Variants in EHBP1 observed in about 807,000 individuals in gnomAD.
The protein encoded by EHBP1 is EH domain-binding protein 1.
In EHBP1, 55 loss-of-function variants were observed where a neutral mutation model predicts 144.0. The observed-to-expected ratio is 0.38, with a 90% CI of 0.31 to 0.48. The LOEUF (loss-of-function observed/expected upper bound fraction) is 0.48, where lower values mean the gene tolerates loss of function less well. EHBP1 is among the 20% of genes least tolerant of loss of function. The probability of loss-of-function intolerance (pLI) is 0.98; values close to 1 mark genes in which losing one functional copy is unlikely to be tolerated. For missense variants in EHBP1, 1,200 were observed against 1,364.2 expected (o/e 0.88, Z 1.90); for synonymous variants, 469 against 472.7 (o/e 0.99, Z 0.10).
At chr2:62,980,204 G>A (rs188387700) in intron 15 of EHBP1, among the ~76,000 whole-genome samples, 1 of 152,248 alleles carries the variant, frequency 6.6e-6, no homozygotes, top group East Asian at 1.9e-4. Context: ...GGTAAGGAGG[G>A]ATAGTTTCAG....
At chr2:62,877,561 A>G (rs2050998428) in intron 10 of EHBP1, among the ~76,000 whole-genome samples, 1 of 152,232 alleles carries the variant, frequency 6.6e-6, no homozygotes, top group African/African-American at 2.4e-5. Context: ...TCATCTGCAC[A>G]TGGTACATAC....
intron 5 of EHBP1, among the ~76,000 whole-genome samples, chr2:62,783,673 G>C (rs1280544699): frequency 1.3e-5 from 2 of 152,252 alleles, no homozygotes; most frequent in Non-Finnish European, 2.9e-5. Context: ...AGGGCACCAA[G>C]TCCCAAGGCT....
chr2:62,962,126 A>G (rs2058032072), intron 14 of EHBP1, among the ~76,000 whole-genome samples: 1 of 152,164 alleles, frequency 6.6e-6, no homozygotes, highest in Non-Finnish European at 1.5e-5. Flanking sequence ...GGAGTTCGAG[A>G]CTAGCCTGGC....
At chr2:62,898,949 T>C (rs1225785973) in intron 10 of EHBP1, among the ~76,000 whole-genome samples, 1 of 152,174 alleles carries the variant, frequency 6.6e-6, no homozygotes, top group African/African-American at 2.4e-5. Context: ...CCATGTAGAA[T>C]ATGCACCTAC....
chr2:62,966,264 A>G (rs2058241920), intron 14 of EHBP1, among the ~76,000 whole-genome samples: 2 of 152,114 alleles, frequency 1.3e-5, no homozygotes, highest in Admixed American at 1.3e-4. Flanking sequence ...ATTTGAGGAA[A>G]GGGAATAGTT....
intron 3 of EHBP1, among the ~76,000 whole-genome samples, chr2:62,757,832 C>T (rs980975141): frequency 6.6e-6 from 1 of 151,956 alleles, no homozygotes; most frequent in Admixed American, 6.5e-5. Context: ...TTAGAATTGA[C>T]ACCCAGATAG....
chr2:62,911,800 TAGTG>T (rs1436514947), intron 10 of EHBP1, among the ~76,000 whole-genome samples: 1 of 152,080 alleles, frequency 6.6e-6, no homozygotes, highest in East Asian at 1.9e-4. Context: ...TGTGGAGTGT[TAGTG>T]AGGATTGGAA....
At chr2:63,022,955 C>T (rs1406068784) in intron 19 of EHBP1, among the ~76,000 whole-genome samples, 9 of 152,210 alleles carry the variant, frequency 5.9e-5, no homozygotes, top group Middle Eastern at 3.4e-3. Context: ...AGGCAGATCA[C>T]CTGAGGTCAG....
At chr2:62,865,120 G>A (rs2049936765) in intron 9 of EHBP1, 149 bp downstream of exon 9, 2 of 876,016 alleles carry the variant, frequency 2.3e-6, no homozygotes, top group Admixed American at 2.7e-5. Flanking sequence ...AGTGTTTATA[G>A]TCTTAAACCT....
At chr2:62,906,062 T>C (rs1221750099) in intron 10 of EHBP1, among the ~76,000 whole-genome samples, 1 of 152,114 alleles carries the variant, frequency 6.6e-6, no homozygotes, top group Non-Finnish European at 1.5e-5. Flanking sequence ...TTTCATTGGA[T>C]TGTTTATAAT....
chr2:62,911,173 A>C (rs1435786407), intron 10 of EHBP1, among the ~76,000 whole-genome samples: 1 of 152,204 alleles, frequency 6.6e-6, no homozygotes, highest in Non-Finnish European at 1.5e-5. Context: ...CCAAGCCCAC[A>C]GATGATACCT....
intron 5 of EHBP1, among the ~76,000 whole-genome samples, chr2:62,778,309 T>TG (rs2042183589): frequency 6.6e-6 from 1 of 151,992 alleles, no homozygotes; most frequent in Non-Finnish European, 1.5e-5. Flanking sequence ...GAGCCCGAGG[T>TG]GGAAGTATTG....
intron 12 of EHBP1, among the ~76,000 whole-genome samples, chr2:62,946,154 A>G (rs1383642499): frequency 6.6e-6 from 1 of 152,234 alleles, no homozygotes; most frequent in East Asian, 1.9e-4. Flanking sequence ...ACTGTTCAAA[A>G]TTTTGAAAAA....
chr2:62,933,751 T>C (rs2056177414), intron 10 of EHBP1, among the ~76,000 whole-genome samples: 1 of 152,214 alleles, frequency 6.6e-6, no homozygotes, highest in Non-Finnish European at 1.5e-5. Flanking sequence ...CATGATTTTA[T>C]AGTAATCAGT....
At chr2:62,684,746 A>G (rs1190056052) in intron 1 of EHBP1, among the ~76,000 whole-genome samples, 1 of 152,202 alleles carries the variant, frequency 6.6e-6, no homozygotes, top group Non-Finnish European at 1.5e-5. Flanking sequence ...CTCCTTTTCT[A>G]TGAAGTCCAC....
At chr2:62,712,613 T>G (rs1236970293) in intron 2 of EHBP1, among the ~76,000 whole-genome samples, 1 of 152,144 alleles carries the variant, frequency 6.6e-6, no homozygotes, top group Non-Finnish European at 1.5e-5. Flanking sequence ...ACAGGGAAAT[T>G]GAGAGCAAAT....
At chr2:63,005,261 G>A (rs1440130229) in intron 19 of EHBP1, among the ~76,000 whole-genome samples, 1 of 152,098 alleles carries the variant, frequency 6.6e-6, no homozygotes, top group Non-Finnish European at 1.5e-5. Flanking sequence ...TGCTATAAAT[G>A]TAGCTGTTCT....
chr2:62,776,103 A>G (rs1412207728), intron 5 of EHBP1, among the ~76,000 whole-genome samples: 7 of 152,186 alleles, frequency 4.6e-5, no homozygotes, highest in African/African-American at 1.7e-4. Flanking sequence ...TATAAAATGG[A>G]ATTCTAGAAT....
At chr2:62,965,786 T>G (rs573858314) in intron 14 of EHBP1, among the ~76,000 whole-genome samples, 1 of 152,314 alleles carries the variant, frequency 6.6e-6, no homozygotes, top group South Asian at 2.1e-4. Flanking sequence ...AATCAAGCCA[T>G]CAGTTCTTTA....
Sources: allele counts gnomAD v4.1 joint callset (sites outside exome capture counted in the v4.1 genomes callset), GRCh38; gene constraint gnomAD v4.1.1; transcripts MANE v1.5; gene names NCBI Gene and HGNC (gene_info 2026-07-23, HGNC 2026-07-21).